Variants in IQGAP2 observed in about 807,000 individuals in gnomAD.
IQGAP2 encodes the protein IQ motif containing GTPase activating protein 2, also known as ras GTPase-activating-like protein IQGAP2.
Under a neutral mutation model 201.3 loss-of-function variants are expected in IQGAP2, and 173 were observed. The ratio of observed to expected loss-of-function variants is 0.86; its 90% CI spans 0.76 to 0.98. The LOEUF is 0.98. Among genes scored for constraint, IQGAP2 ranks in the 50% least tolerant of loss-of-function variants. The pLI is 0.00. For missense variants in IQGAP2, 1,687 were observed against 1,864.8 expected (o/e 0.90, Z 1.76); for synonymous variants, 675 against 673.9 (o/e 1.00, Z -0.03).
At chr5:76,556,241 C>T (rs760534335) in intron 2 of IQGAP2, among the ~76,000 whole-genome samples, 15 of 152,038 alleles carry the variant, frequency 9.9e-5, no homozygotes, top group Admixed American at 3.9e-4. Context: ...TTACATAGTG[C>T]GGGGAAGGCT....
Position 76,674,450 on chromosome 5 carries a change from T to C in IQGAP2, c.3295-27T>C, listed in dbSNP as rs1364745993. On this transcript the variant is annotated intron_variant, in intron 26 of 35. Coordinates refer to ENST00000274364, the MANE Select transcript of IQGAP2 (RefSeq NM_006633.5). ...ACTCTTGAGTTTTCTCTCTTAAAAA[T>C]GGTCATGCACTTCTGCGTCACTCCA... 3 of 1,359,258 alleles carry C rather than the reference T, an allele frequency of 2.2e-6. No individual in the cohort carries two copies. In the African/African-American group the frequency reaches 4.4e-5, roughly 20 times the overall value. The allele number at this position is 1,359,258 out of a possible 1,614,324, so 84.2% of individuals were successfully genotyped here. A position where few individuals can be genotyped will look rare whatever the true frequency, so the allele number is the denominator to read the frequency against.
rs371558272 is a variant in IQGAP2 at position 76,588,859 on chromosome 5, A to T, written c.459-47A>T. On this transcript the variant is annotated intron_variant, in intron 5 of 35. Coordinates refer to ENST00000274364, the MANE Select transcript of IQGAP2 (RefSeq NM_006633.5). ...GAATTATGTAATTTATAACATTAAG[A>T]CTTATGATGATAAAATTTCTGATAA... is the stretch of plus-strand genomic sequence containing the variant. 78 of 1,138,632 alleles carry T rather than the reference A, an allele frequency of 6.9e-5. No homozygotes were observed. The African/African-American group carries it at 1.0e-3, about 15-fold the overall frequency. 70.5% of individuals were successfully genotyped at this position (1,138,632 alleles called of 1,614,324 possible).
Position 76,640,990 on chromosome 5 carries a change from G to T in IQGAP2, c.1981G>T (p.Glu661Ter). The change falls in exon 17 of 36, where the codon GAA becomes TAA. Residue 661 changes from glutamate to a stop codon, truncating the protein, a stop_gained. Coordinates refer to ENST00000274364, the MANE Select transcript of IQGAP2 (RefSeq NM_006633.5). LOFTEE classifies it high-confidence loss of function. ...YIRENIWSAS[E>*]ELLLRFQATS... ...TCGTGAGAATATATGGTCTGCTTCA[G>T]AAGAGTTGCTTCTTCGCTTTCAAGC... 6.2e-7 allele frequency: 1 copy of T among 1,610,216 alleles called. No individual in the cohort carries two copies. Among genetic ancestry groups the T allele is most frequent in the Non-Finnish European group, 8.5e-7 (1 of 1,176,752 alleles).
chr5:76,617,510 C>T, intron 13 of IQGAP2: 1 of 1,152,590 alleles, frequency 8.7e-7, no homozygotes, highest in Non-Finnish European at 1.2e-6. Context: ...GAGCTCCTTG[C>T]ACTATGCTTA....
intron 21 of IQGAP2, among the ~76,000 whole-genome samples, chr5:76,664,276 A>AAGAAG (rs1287447283): frequency 1.3e-5 from 2 of 152,338 alleles, no homozygotes; most frequent in Middle Eastern, 3.4e-3. Flanking sequence ...TAGGGGGCCC[A>AAGAAG]AGAAGAGAAG....
intron 13 of IQGAP2, chr5:76,615,935 T>C (rs1301414974): frequency 1.3e-5 from 2 of 152,762 alleles, no homozygotes; most frequent in African/African-American, 4.8e-5. Context: ...AGTATGTTGC[T>C]TTTTCAGTAC....
chr5:76,600,811 G>A lies in IQGAP2; in HGVS notation c.1072-1G>A. 6.2e-7 allele frequency: 1 copy of A among 1,614,034 alleles called. No homozygotes were observed. Among genetic ancestry groups the A allele is most frequent in the Non-Finnish European group, 8.5e-7 (1 of 1,179,914 alleles). Reference sequence around the variant, plus strand: ...TTATGTTGCCATATGTTTTCCAACAGAACTACTTGGCCCACGAGGAGCTTT... The same window carrying A: ...TTATGTTGCCATATGTTTTCCAACAAAACTACTTGGCCCACGAGGAGCTTT... On this transcript the variant is annotated splice_acceptor_variant, in intron 10 of 35. Coordinates refer to ENST00000274364, the MANE Select transcript of IQGAP2 (RefSeq NM_006633.5). LOFTEE classifies it high-confidence loss of function.
intron 2 of IQGAP2, among the ~76,000 whole-genome samples, chr5:76,560,628 A>G (rs1049914587): frequency 6.6e-6 from 1 of 152,192 alleles, no homozygotes; most frequent in Non-Finnish European, 1.5e-5. Context: ...TGATAACCCA[A>G]TTATTCCCCT....
intron 1 of IQGAP2, among the ~76,000 whole-genome samples, chr5:76,417,530 C>G (rs183242050): frequency 1.3e-5 from 2 of 152,108 alleles, no homozygotes; most frequent in Non-Finnish European, 2.9e-5. Context: ...AGTGATCCAC[C>G]CACCTTGGCC....
At chr5:76,534,393 A>G (rs1402888087) in intron 2 of IQGAP2, among the ~76,000 whole-genome samples, 1 of 152,230 alleles carries the variant, frequency 6.6e-6, no homozygotes, top group South Asian at 2.1e-4. Flanking sequence ...GACCGGTTTT[A>G]CTATCAGAAC....
At chr5:76,688,246 A>G (rs1295672833) in intron 30 of IQGAP2, among the ~76,000 whole-genome samples, 2 of 152,228 alleles carry the variant, frequency 1.3e-5, no homozygotes, top group Non-Finnish European at 2.9e-5. Context: ...GCTTTTCTCT[A>G]TCAAAAAACT....
intron 1 of IQGAP2, among the ~76,000 whole-genome samples, chr5:76,423,617 T>A (rs1751848105): frequency 6.6e-6 from 1 of 152,054 alleles, no homozygotes; most frequent in African/African-American, 2.4e-5. Flanking sequence ...CAAGACTTCA[T>A]CTCAAAAAAG....
At chr5:76,493,546 C>A (rs1468768558) in intron 2 of IQGAP2, among the ~76,000 whole-genome samples, 1 of 152,212 alleles carries the variant, frequency 6.6e-6, no homozygotes, top group African/African-American at 2.4e-5. Context: ...TGATTACCTT[C>A]TGCCATGATG....
rs572301102 is a variant in IQGAP2 at position 76,503,001 on chromosome 5, C to T, written c.146+41332C>T. Among the ~76,000 whole-genome samples the T allele has an allele frequency of 4.6e-5, 7 of 152,102 alleles. No individual in the cohort carries two copies. In the East Asian group the frequency reaches 7.7e-4, roughly 17 times the overall value. Reference sequence around the variant, plus strand: ...CTCAAGTGATCCTCCTTGCTTCAGCCTCCCAAAGTGCTGTGATTACAGGCA... The same window carrying T: ...CTCAAGTGATCCTCCTTGCTTCAGCTTCCCAAAGTGCTGTGATTACAGGCA... On this transcript the variant is annotated intron_variant, in intron 2 of 35. Coordinates refer to ENST00000274364, the MANE Select transcript of IQGAP2 (RefSeq NM_006633.5).
At chr5:76,426,650 T>C (rs376186316) in intron 1 of IQGAP2, among the ~76,000 whole-genome samples, 1 of 152,234 alleles carries the variant, frequency 6.6e-6, no homozygotes. Flanking sequence ...AACTGGTCTA[T>C]GTGCCGAGTC....
chr5:76,536,889 A>C lies in IQGAP2; in HGVS notation c.147-25507A>C, dbSNP rs561532024. On this transcript the variant is annotated intron_variant, in intron 2 of 35. Coordinates refer to ENST00000274364, the MANE Select transcript of IQGAP2 (RefSeq NM_006633.5). ...TTTGCATAAGAGGTGTAAATTGTGA[A>C]GTTCCTTAACTCTGAAAATTGAAGA... Among the ~76,000 whole-genome samples the C allele has an allele frequency of 5.9e-5, 9 of 152,348 alleles. No homozygotes were observed. In the South Asian group the frequency reaches 1.9e-3, roughly 32 times the overall value.
chr5:76,446,698 C>G (rs1753412175), intron 1 of IQGAP2, among the ~76,000 whole-genome samples: 1 of 152,164 alleles, frequency 6.6e-6, no homozygotes, highest in Admixed American at 6.5e-5. Flanking sequence ...AACCAAATGG[C>G]TTTTTGGTTT....
intron 1 of IQGAP2, among the ~76,000 whole-genome samples, chr5:76,431,473 A>G (rs1752361946): frequency 6.6e-6 from 1 of 152,134 alleles, no homozygotes; most frequent in African/African-American, 2.4e-5. Context: ...ACAGATGGGC[A>G]CTAGTCTGTT....
At chr5:76,677,657 GTGGCATATGCCTGTAAT>G (rs1241020212) in intron 28 of IQGAP2, 1 of 204,472 alleles carries the variant, frequency 4.9e-6, no homozygotes, top group African/African-American at 2.3e-5. Flanking sequence ...GACTGGAATG[GTGGCATATGCCTGTAAT>G]CCCAACACTT....
Sources: allele counts gnomAD v4.1 joint callset (sites outside exome capture counted in the v4.1 genomes callset), GRCh38; gene constraint gnomAD v4.1.1; transcripts MANE v1.5; gene names NCBI Gene and HGNC (gene_info 2026-07-23, HGNC 2026-07-21).